The following ZDHHC9 variants were observed in gnomAD, a reference collection of about 807,000 sequenced individuals.
ZDHHC9 encodes zDHHC palmitoyltransferase 9.
Under a neutral mutation model 26.6 loss-of-function variants are expected in ZDHHC9, and 3 were observed. The ratio of observed to expected loss-of-function variants is 0.11; its 90% CI spans 0.05 to 0.29. The LOEUF (loss-of-function observed/expected upper bound fraction) is 0.29, where lower values mean the gene tolerates loss of function less well. ZDHHC9 is among the 10% of genes least tolerant of loss of function. The pLI is 1.00. For missense variants in ZDHHC9, 146 were observed against 296.4 expected (o/e 0.49, Z 3.73); for synonymous variants, 111 against 109.4 (o/e 1.01, Z -0.09).
chrX:129,831,082 A>G (rs1194698257), intron 3 of ZDHHC9, among the ~76,000 whole-genome samples: 1 of 111,609 alleles, frequency 9.0e-6, no homozygotes, highest in Non-Finnish European at 1.9e-5. Context: ...AGGTTCTTAC[A>G]TATCACTAGC....
chrX:129,807,430 GC>G (rs1464488720), intron 10 of ZDHHC9, among the ~76,000 whole-genome samples: 1 of 100,451 alleles, frequency 1.0e-5, no homozygotes, highest in East Asian at 3.1e-4. Context: ...TCCGGCCTGG[GC>G]GACAGAGCGA....
intron 10 of ZDHHC9, 25 bp from the exon 11 acceptor site, chrX:129,806,511 C>T (rs368676823): frequency 2.5e-5 from 29 of 1,153,933 alleles, no homozygotes; most frequent in Admixed American, 6.6e-5. Context: ...ATATGAGATT[C>T]AACACAAAGC....
intron 5 of ZDHHC9, among the ~76,000 whole-genome samples, chrX:129,822,092 C>A (rs141938534): frequency 0.037 from 4,164 of 111,041 alleles, 210 homozygotes; most frequent in African/African-American, 0.13. Context: ...ACCCAGCAAT[C>A]CCATTACTGG....
intron 3 of ZDHHC9, among the ~76,000 whole-genome samples, chrX:129,832,932 C>T (rs1252415268): frequency 1.0e-5 from 1 of 98,581 alleles, no homozygotes; most frequent in Non-Finnish European, 2.0e-5. Flanking sequence ...CACCACTGCA[C>T]TCCAGCCTGG....
intron 3 of ZDHHC9, among the ~76,000 whole-genome samples, chrX:129,839,223 CTTT>C (rs767316222): frequency 1.1e-5 from 1 of 94,658 alleles, no homozygotes; most frequent in Non-Finnish European, 2.2e-5. Flanking sequence ...TCACTAAGTT[CTTT>C]TTTTTTTTTT....
chrX:129,835,987 C>T (rs1183467656), intron 3 of ZDHHC9, among the ~76,000 whole-genome samples: 2 of 111,613 alleles, frequency 1.8e-5, no homozygotes, highest in African/African-American at 6.5e-5. Context: ...AGACAGAATC[C>T]GAAGCTAGAT....
chrX:129,842,273 G>T (rs1222841645), intron 2 of ZDHHC9, among the ~76,000 whole-genome samples, 193 bp from the exon 3 acceptor site: 12 of 112,138 alleles, frequency 1.1e-4, no homozygotes, highest in Non-Finnish European at 3.8e-5. Context: ...AAGGAAAGGG[G>T]CTAGTATTTC....
At chrX:129,842,780 G>A (rs1346243415) in intron 2 of ZDHHC9, among the ~76,000 whole-genome samples, 2 of 112,771 alleles carry the variant, frequency 1.8e-5, no homozygotes, top group African/African-American at 6.4e-5. Context: ...GGCTGGTCTA[G>A]CCTAACATTT....
chrX:129,837,112 G>A (rs1928278116), intron 3 of ZDHHC9, among the ~76,000 whole-genome samples: 1 of 112,076 alleles, frequency 8.9e-6, no homozygotes. Context: ...CCCACACAAG[G>A]AGGGAGATAG....
chrX:129,840,329 T>C (rs777415015), intron 3 of ZDHHC9, among the ~76,000 whole-genome samples: 1 of 110,859 alleles, frequency 9.0e-6, no homozygotes, highest in Non-Finnish European at 1.9e-5. Context: ...GGAAGAATGA[T>C]AAAGAACAGA....
intron 3 of ZDHHC9, among the ~76,000 whole-genome samples, chrX:129,831,225 T>C (rs189653035): frequency 2.3e-3 from 259 of 111,832 alleles, no homozygotes; most frequent in African/African-American, 8.0e-3. Context: ...CTTCATTTCA[T>C]GAACAAGCCA....
At chrX:129,839,929 T>C (rs1928342963) in intron 3 of ZDHHC9, among the ~76,000 whole-genome samples, 2 of 111,657 alleles carry the variant, frequency 1.8e-5, no homozygotes, top group African/African-American at 6.5e-5. Context: ...GGTACTCAAG[T>C]AAGTTTTACA....
chrX:129,843,223 G>C (rs1205606927), intron 2 of ZDHHC9, 36 bp downstream of exon 2: 1 of 112,854 alleles, frequency 8.9e-6, no homozygotes, highest in Non-Finnish European at 1.9e-5. Context: ...GGGGGGCCCA[G>C]AGGTGCAGAG....
At chrX:129,816,210 C>A (rs1927754113) in intron 5 of ZDHHC9, among the ~76,000 whole-genome samples, 2 of 111,555 alleles carry the variant, frequency 1.8e-5, no homozygotes, top group South Asian at 7.4e-4. Context: ...AAACCTAGAT[C>A]AAAAATACGG....
At chrX:129,817,742 CT>C (rs57413095) in intron 5 of ZDHHC9, among the ~76,000 whole-genome samples, 87 of 104,084 alleles carry the variant, frequency 8.4e-4, no homozygotes, top group African/African-American at 1.1e-3. Context: ...CTTTTTGTGT[CT>C]TTTTTTTTTT....
At chrX:129,812,922 G>C in intron 7 of ZDHHC9, 102 bp from the exon 8 acceptor site, 2 of 570,194 alleles carry the variant, frequency 3.5e-6, no homozygotes, top group Non-Finnish European at 6.1e-6. Flanking sequence ...CTCCTGGAAC[G>C]TATATCACAA....
chrX:129,810,922 G>A lies in ZDHHC9; in HGVS notation c.961C>T (p.Leu321Phe). 10 of 1,211,070 alleles carry A rather than the reference G, an allele frequency of 8.3e-6. No individual in the cohort carries two copies. Among genetic ancestry groups the A allele is most frequent in the South Asian group, 1.8e-5 (1 of 56,955 alleles). The change falls in exon 10 of 11, where the codon CTC becomes TTC. Residue 321 changes from leucine (L) to phenylalanine (F), a missense_variant. Physicochemically the swap from Leu to Phe is conservative, Grantham distance 22. Transcript: ENST00000357166. Reference sequence around the variant, plus strand: ...ACACTTACTGGGCTCTGTGGCAAGAGGCTGCTACTGGTCTCTTGAGTACTG... The same window carrying A: ...ACACTTACTGGGCTCTGTGGCAAGAAGCTGCTACTGGTCTCTTGAGTACTG... ...PPSTQETSSS[L>F]LPQSPAPTEH...
intron 3 of ZDHHC9, among the ~76,000 whole-genome samples, chrX:129,834,771 T>C (rs780332437): frequency 4.5e-5 from 5 of 111,972 alleles, no homozygotes; most frequent in Non-Finnish European, 5.6e-5. Flanking sequence ...ATCATCATCA[T>C]AGGGGCCCTG....
At chrX:129,842,199 G>A in intron 2 of ZDHHC9, 119 bp from the exon 3 acceptor site, 1 of 405,043 alleles carries the variant, frequency 2.5e-6, no homozygotes, top group Non-Finnish European at 4.3e-6. Flanking sequence ...CGGGGAAGTG[G>A]GAAAAGTTTA....
Sources: gnomAD v4.1 joint callset for allele counts (sites outside exome capture counted in the v4.1 genomes callset) on GRCh38, gnomAD v4.1.1 for gene constraint, MANE v1.5 for transcripts, NCBI Gene and HGNC (gene_info 2026-07-23, HGNC 2026-07-21) for gene names.